Variants in NFIA observed in about 807,000 individuals in gnomAD.
NFIA encodes the protein nuclear factor 1 A-type.
In NFIA, 8 loss-of-function variants were observed where a neutral mutation model predicts 62.8. That is an observed-to-expected ratio of 0.13 (90% CI 0.07 to 0.23). The LOEUF (loss-of-function observed/expected upper bound fraction) is 0.23, where lower values mean the gene tolerates loss of function less well. Among genes scored for constraint, NFIA ranks in the 10% least tolerant of loss-of-function variants. The pLI, the probability that NFIA is intolerant of heterozygous loss-of-function variation, is 1.00. For synonymous variants in NFIA, 235 were observed against 238.1 expected (o/e 0.99, Z 0.12); for missense variants, 410 against 642.1 (o/e 0.64, Z 3.91).
At chr1:61,231,856 AAACAAAC>A (rs1654691373) in intron 2 of NFIA, among the ~76,000 whole-genome samples, 1 of 151,836 alleles carries the variant, frequency 6.6e-6, no homozygotes, top group Non-Finnish European at 1.5e-5. Context: ...AAAAACAAAC[AAACAAAC>A]AACAACAACA....
At chr1:61,383,929 A>C (rs1664555389) in intron 7 of NFIA, among the ~76,000 whole-genome samples, 1 of 152,154 alleles carries the variant, frequency 6.6e-6, no homozygotes, top group Non-Finnish European at 1.5e-5. Context: ...TCTGGTTTTC[A>C]TTGCAATGTT....
chr1:61,440,642 A>T (rs1296676180), intron 10 of NFIA, among the ~76,000 whole-genome samples: 2 of 151,416 alleles, frequency 1.3e-5, no homozygotes, highest in Middle Eastern at 3.4e-3. Flanking sequence ...TCTCTTTCAG[A>T]TTTTTGTATC....
chr1:61,116,017 G>GT (rs35803994), intron 2 of NFIA, among the ~76,000 whole-genome samples: 114 of 119,038 alleles, frequency 9.6e-4, no homozygotes, highest in African/African-American at 2.9e-3. Context: ...CATGTCTTCT[G>GT]TTTTTTTTTT....
At chr1:61,434,947 G>T (rs1054846714) in intron 10 of NFIA, among the ~76,000 whole-genome samples, 1 of 152,100 alleles carries the variant, frequency 6.6e-6, no homozygotes, top group Non-Finnish European at 1.5e-5. Context: ...TCAGGAAAAG[G>T]GTTGGAAAAA....
chr1:61,344,859 A>G (rs1662130013), intron 4 of NFIA, among the ~76,000 whole-genome samples: 1 of 152,196 alleles, frequency 6.6e-6, no homozygotes, highest in Non-Finnish European at 1.5e-5. Context: ...TTTTTCCATC[A>G]TCCTCTCTTT....
In NFIA at chr1:61,456,345, C is replaced by T. The variant is rs1280602942; in HGVS notation, c.*1025C>T. On this transcript the variant is annotated 3_prime_UTR_variant, in exon 11 of 11. Coordinates refer to ENST00000403491, the MANE Select transcript of NFIA (RefSeq NM_001134673.4). Reference sequence around the variant, plus strand: ...GCTTTTTATGTTTTTTATTGTTAAACTTGTATCCCTTTAAAAACTGAAGGA... The same window carrying T: ...GCTTTTTATGTTTTTTATTGTTAAATTTGTATCCCTTTAAAAACTGAAGGA... 6.8e-6 allele frequency: 1 copy of T among 147,400 alleles called. No homozygotes were observed. Among genetic ancestry groups the T allele is most frequent in the African/African-American group, 2.5e-5 (1 of 39,840 alleles). 9.1% of individuals were successfully genotyped at this position (147,400 alleles called of 1,614,324 possible).
At chr1:61,436,532 T>A (rs1028911806) in intron 10 of NFIA, among the ~76,000 whole-genome samples, 2 of 152,096 alleles carry the variant, frequency 1.3e-5, no homozygotes, top group Non-Finnish European at 2.9e-5. Context: ...TTCTAATGAG[T>A]CTAAGGCCTT....
intron 2 of NFIA, among the ~76,000 whole-genome samples, chr1:61,114,396 G>A (rs1486003681): frequency 6.6e-6 from 1 of 152,080 alleles, no homozygotes; most frequent in Non-Finnish European, 1.5e-5. Context: ...AGACTGAGGT[G>A]GGAGGATCAC....
chr1:61,082,578 C>T lies in NFIA; in HGVS notation c.-214C>T, dbSNP rs1328203282. 5.4e-6 allele frequency: 8 copies of T among 1,476,260 alleles called. No individual in the cohort carries two copies. Among genetic ancestry groups the T allele is most frequent in the African/African-American group, 1.4e-5 (1 of 70,204 alleles). 91.4% of individuals were successfully genotyped at this position (1,476,260 alleles called of 1,614,324 possible). On this transcript the variant is annotated 5_prime_UTR_variant, in exon 1 of 11. Transcript: ENST00000403491. ...CTCTAGGCGGGGTTAAAGTTCAGCTCATGGAGCGGCAATAGCGCTGGCTGG... is the reference window on the plus strand; with the variant it reads ...CTCTAGGCGGGGTTAAAGTTCAGCTTATGGAGCGGCAATAGCGCTGGCTGG...
chr1:61,180,766 C>G (rs1372842888), intron 2 of NFIA, among the ~76,000 whole-genome samples: 1 of 152,106 alleles, frequency 6.6e-6, no homozygotes, highest in African/African-American at 2.4e-5. Context: ...CTTGGCAAAC[C>G]GTGTTATTGG....
intron 2 of NFIA, among the ~76,000 whole-genome samples, chr1:61,258,814 G>A (rs1440907774): frequency 6.6e-6 from 1 of 151,788 alleles, no homozygotes; most frequent in African/African-American, 2.4e-5. Flanking sequence ...CTGCAGTCTC[G>A]ACTCCTGGGC....
At chr1:61,102,839 T>C (rs1646534764) in intron 2 of NFIA, among the ~76,000 whole-genome samples, 1 of 152,196 alleles carries the variant, frequency 6.6e-6, no homozygotes, top group Non-Finnish European at 1.5e-5. Context: ...ATACTCCTGC[T>C]AGGCTGATGT....
rs377395433 is a variant in NFIA at position 61,186,384 on chromosome 1, A to C, written c.560-91136A>C. Among the ~76,000 whole-genome samples the C allele has an allele frequency of 2.8e-4, 42 of 152,344 alleles. 2 individuals carry two copies. In the South Asian group the frequency reaches 7.0e-3, roughly 26 times the overall value. ...GTAAAATTCTGGTCACACAAGTATT[A>C]ACTTACTGTTATTTTTGCTGCCACT... On this transcript the variant is annotated intron_variant, in intron 2 of 10. Coordinates refer to ENST00000403491, the MANE Select transcript of NFIA (RefSeq NM_001134673.4).
chr1:61,216,935 G>A (rs1035371485), intron 2 of NFIA, among the ~76,000 whole-genome samples: 2 of 151,838 alleles, frequency 1.3e-5, no homozygotes, highest in African/African-American at 2.4e-5. Flanking sequence ...GGGAGGCAAA[G>A]GTTACAGTGA....
chr1:61,199,083 G>A (rs1395571746), intron 2 of NFIA, among the ~76,000 whole-genome samples: 1 of 152,150 alleles, frequency 6.6e-6, no homozygotes, highest in African/African-American at 2.4e-5. Context: ...GTGAAGAAAC[G>A]TGGCTGGTAC....
chr1:61,098,567 C>T (rs1570146454), intron 2 of NFIA, among the ~76,000 whole-genome samples: 2 of 152,158 alleles, frequency 1.3e-5, no homozygotes, highest in African/African-American at 2.4e-5. Context: ...TGTTCAACAG[C>T]GTAACTATTG....
At chr1:61,208,926 C>T (rs937796701) in intron 2 of NFIA, among the ~76,000 whole-genome samples, 1 of 152,114 alleles carries the variant, frequency 6.6e-6, no homozygotes, top group Non-Finnish European at 1.5e-5. Flanking sequence ...TTTTATGACA[C>T]ATTTAGGAGA....
At chr1:61,229,682 T>A (rs1654548865) in intron 2 of NFIA, among the ~76,000 whole-genome samples, 1 of 152,170 alleles carries the variant, frequency 6.6e-6, no homozygotes, top group Admixed American at 6.5e-5. Context: ...CAACATGCAT[T>A]TATTGCCTTT....
At chr1:61,431,552 G>C (rs1362182538) in intron 10 of NFIA, among the ~76,000 whole-genome samples, 1 of 152,226 alleles carries the variant, frequency 6.6e-6, no homozygotes, top group Non-Finnish European at 1.5e-5. Context: ...CATGGCATGG[G>C]CCTGATTTGT....
Sources: gnomAD v4.1 joint callset for allele counts (sites outside exome capture counted in the v4.1 genomes callset) on GRCh38, gnomAD v4.1.1 for gene constraint, MANE v1.5 for transcripts, NCBI Gene and HGNC (gene_info 2026-07-23, HGNC 2026-07-21) for gene names.